DPP10: variants seen among roughly 807,000 people sequenced by gnomAD.
The protein encoded by DPP10 is inactive dipeptidyl peptidase 10.
DPP10 carries 33 observed loss-of-function variants against 120.9 expected under a neutral mutation model. The ratio of observed to expected loss-of-function variants is 0.27; its 90% confidence interval spans 0.21 to 0.37. The LOEUF (loss-of-function observed/expected upper bound fraction) is 0.37, where lower values mean the gene tolerates loss of function less well. Among genes scored for constraint, DPP10 ranks in the 10% least tolerant of loss-of-function variants. The probability of loss-of-function intolerance (pLI) is 1.00; values close to 1 mark genes in which losing one functional copy is unlikely to be tolerated. For synonymous variants in DPP10, 337 were observed against 326.1 expected (o/e 1.03, Z -0.36); for missense variants, 816 against 942.8 (o/e 0.87, Z 1.76).
intron 3 of DPP10, among the ~76,000 whole-genome samples, chr2:115,375,620 C>G (rs2065736735): frequency 6.6e-6 from 1 of 152,196 alleles, no homozygotes; most frequent in Non-Finnish European, 1.5e-5. Context: ...TTTGTTCTCA[C>G]ACTGCTATAA....
chr2:115,441,593 A>G (rs1234067218), intron 3 of DPP10, among the ~76,000 whole-genome samples: 1 of 152,154 alleles, frequency 6.6e-6, no homozygotes, highest in Non-Finnish European at 1.5e-5. Context: ...CTGTCTCAAC[A>G]ATGTTTAATA....
At chr2:115,573,989 C>T (rs2081505825) in intron 5 of DPP10, among the ~76,000 whole-genome samples, 1 of 152,138 alleles carries the variant, frequency 6.6e-6, no homozygotes, top group South Asian at 2.1e-4. Flanking sequence ...TTAACTAAAA[C>T]CATGCCCTTT....
At chr2:114,585,865 T>C (rs899149149) in intron 1 of DPP10, among the ~76,000 whole-genome samples, 1 of 152,126 alleles carries the variant, frequency 6.6e-6, no homozygotes, top group East Asian at 1.9e-4. Context: ...CAAGAAGGGA[T>C]AGAGAGTTTC....
intron 5 of DPP10, among the ~76,000 whole-genome samples, chr2:115,631,542 C>T (rs1032924809): frequency 3.3e-5 from 5 of 152,092 alleles, no homozygotes; most frequent in African/African-American, 1.2e-4. Flanking sequence ...TTGATGTGGA[C>T]ATTTTAGTGC....
intron 1 of DPP10, among the ~76,000 whole-genome samples, chr2:114,647,511 G>C (rs1441945292): frequency 6.6e-6 from 1 of 151,954 alleles, no homozygotes; most frequent in African/African-American, 2.4e-5. Flanking sequence ...ACATAATAAT[G>C]ATATCCTTTG....
intron 7 of DPP10, among the ~76,000 whole-genome samples, chr2:115,724,757 A>T (rs2092726058): frequency 6.6e-6 from 1 of 152,236 alleles, no homozygotes; most frequent in South Asian, 2.1e-4. Flanking sequence ...AAGTGATTCA[A>T]GGTTCTGCAG....
chr2:114,534,415 CAG>C (rs1686315443), intron 1 of DPP10, among the ~76,000 whole-genome samples: 1 of 151,866 alleles, frequency 6.6e-6, no homozygotes, highest in Admixed American at 6.6e-5. Context: ...ATGAACTACT[CAG>C]AGGTTTATTT....
intron 1 of DPP10, among the ~76,000 whole-genome samples, chr2:114,748,415 T>TA (rs1491418455): frequency 9.6e-5 from 14 of 146,300 alleles, no homozygotes; most frequent in African/African-American, 3.3e-4. Context: ...ATTTTTTTTT[T>TA]ATTATACTTT....
chr2:114,709,776 A>AT lies in DPP10; in HGVS notation c.60+266945dup, dbSNP rs1321841952. ...TATGATGGGAATACGTTCTAATAAG[A>AT]TTTTTTTCTCTCATTTCCTCCTTGC... On this transcript the variant is annotated intron_variant, in intron 1 of 25. Transcript: ENST00000410059. 4.6e-5 allele frequency among the ~76,000 whole-genome samples: 7 copies of AT among 152,198 alleles called. No homozygotes were observed. In the East Asian group the frequency reaches 7.7e-4, roughly 17 times the overall value.
At chr2:114,696,188 A>G (rs1700055971) in intron 1 of DPP10, among the ~76,000 whole-genome samples, 1 of 152,030 alleles carries the variant, frequency 6.6e-6, no homozygotes, top group African/African-American at 2.4e-5. Flanking sequence ...TTAAATCAGC[A>G]CCATTTTCCA....
intron 3 of DPP10, among the ~76,000 whole-genome samples, chr2:115,431,538 G>T (rs1392033445): frequency 5.3e-5 from 8 of 152,136 alleles, no homozygotes; most frequent in Non-Finnish European, 1.2e-4. Context: ...TAAAGCCAAT[G>T]ATCTCTGAGT....
At chr2:115,601,785 TGCCTCA>T (rs1227685790) in intron 5 of DPP10, among the ~76,000 whole-genome samples, 1 of 151,640 alleles carries the variant, frequency 6.6e-6, no homozygotes, top group East Asian at 1.9e-4. Context: ...GCGATTCCCC[TGCCTCA>T]GCCTCCCAGG....
At chr2:114,648,661 T>C (rs1696323376) in intron 1 of DPP10, among the ~76,000 whole-genome samples, 1 of 152,238 alleles carries the variant, frequency 6.6e-6, no homozygotes, top group Non-Finnish European at 1.5e-5. Context: ...AGTCGTTGTA[T>C]CTAAATTCAG....
intron 1 of DPP10, among the ~76,000 whole-genome samples, chr2:114,526,770 C>T (rs776077796): frequency 6.6e-6 from 1 of 152,074 alleles, no homozygotes; most frequent in Non-Finnish European, 1.5e-5. Context: ...GAAGTCTCTA[C>T]CCTCATTACC....
intron 1 of DPP10, among the ~76,000 whole-genome samples, chr2:114,999,827 T>A (rs1024458736): frequency 2.0e-5 from 3 of 152,144 alleles, no homozygotes; most frequent in Admixed American, 6.5e-5. Context: ...TCCTATCAAC[T>A]TGATGTGGGG....
intron 1 of DPP10, among the ~76,000 whole-genome samples, chr2:114,996,900 T>G (rs968278621): frequency 6.7e-6 from 1 of 148,672 alleles, no homozygotes; most frequent in Admixed American, 6.9e-5. Context: ...GAGAATTGCT[T>G]GAACCCGGGA....
At chr2:115,731,354 CAA>C (rs112707633) in intron 8 of DPP10, among the ~76,000 whole-genome samples, 1 of 112,138 alleles carries the variant, frequency 8.9e-6, no homozygotes, top group Non-Finnish European at 1.9e-5. Context: ...GACTCTGTCT[CAA>C]AAAAAAAAAA....
chr2:115,495,391 T>C (rs1367466149), intron 3 of DPP10, among the ~76,000 whole-genome samples: 1 of 96,400 alleles, frequency 1.0e-5, no homozygotes, highest in Non-Finnish European at 2.2e-5. Context: ...AAAAAGTTTT[T>C]CGTTCTGATT....
rs530158547 is a variant in DPP10 at position 115,689,074 on chromosome 2, G to C, written c.442-613G>C. Among the ~76,000 whole-genome samples, 3 of 152,288 alleles carry C rather than the reference G, an allele frequency of 2.0e-5. No individual in the cohort carries two copies. In the East Asian group the frequency reaches 5.8e-4, roughly 29 times the overall value. ...TCTGACAACATTCTAGTAGGAAAAG[G>C]AGACTTACACAAAATGTTTATATAG... On this transcript the variant is annotated intron_variant, in intron 5 of 25. Transcript: ENST00000410059.
Sources: gnomAD v4.1 joint callset for allele counts (sites outside exome capture counted in the v4.1 genomes callset) on GRCh38, gnomAD v4.1.1 for gene constraint, MANE v1.5 for transcripts, NCBI Gene and HGNC (gene_info 2026-07-23, HGNC 2026-07-21) for gene names.